Variants in CFAP61 observed in about 807,000 individuals in gnomAD.
CFAP61 encodes cilia- and flagella-associated protein 61.
CFAP61 carries 107 observed loss-of-function variants against 135.6 expected under a neutral mutation model. The observed-to-expected ratio is 0.79, with a 90% CI of 0.67 to 0.93. The LOEUF (loss-of-function observed/expected upper bound fraction) is 0.93. Ranked by LOEUF, CFAP61 falls within the 40% of genes least tolerant of loss-of-function variation. The pLI is 0.00. For missense variants in CFAP61, 1,507 were observed against 1,556.2 expected (o/e 0.97, Z 0.53); for synonymous variants, 575 against 578.5 (o/e 0.99, Z 0.09).
chr20:20,106,009 T>C (rs1219127259), intron 8 of CFAP61, among the ~76,000 whole-genome samples: 1,050 of 24,920 alleles, frequency 0.042, 44 homozygotes, highest in Non-Finnish European at 0.048. Context: ...CCTATATATA[T>C]ATATATATAT....
intron 9 of CFAP61, among the ~76,000 whole-genome samples, chr20:20,144,028 TA>T (rs1014801677): frequency 7.2e-5 from 11 of 152,226 alleles, no homozygotes; most frequent in African/African-American, 2.4e-4. Context: ...TTGTGGAGAA[TA>T]ATTAGTTCTA....
intron 11 of CFAP61, 119 bp downstream of exon 11, chr20:20,164,347 GGGGAATTTTTTAAA>G: frequency 2.0e-6 from 2 of 1,009,222 alleles, no homozygotes; most frequent in South Asian, 3.4e-5. Flanking sequence ...CTAATCTCCT[GGGGAATTTTTTAAA>G]ACACAAATTC....
chr20:20,090,750 G>A (rs570597520), intron 6 of CFAP61, 94 bp from the exon 7 acceptor site: 18 of 1,190,608 alleles, frequency 1.5e-5, no homozygotes, highest in Admixed American at 9.8e-5. Context: ...CTCTAGCCCC[G>A]GCACTTAGAA....
chr20:20,349,500 C>T (rs6132292), intron 26 of CFAP61, among the ~76,000 whole-genome samples: 1 of 152,144 alleles, frequency 6.6e-6, no homozygotes, highest in African/African-American at 2.4e-5. Context: ...GGGATCCTCC[C>T]TAAGACCCAA....
intron 25 of CFAP61, among the ~76,000 whole-genome samples, chr20:20,334,390 G>A (rs1024560664): frequency 6.6e-6 from 1 of 152,226 alleles, no homozygotes; most frequent in Non-Finnish European, 1.5e-5. Context: ...GCCTCCCAAA[G>A]TGCTGGCATT....
intron 9 of CFAP61, among the ~76,000 whole-genome samples, chr20:20,151,829 C>CAAAAAA (rs386393498): frequency 0.065 from 3,418 of 52,912 alleles, 470 homozygotes; most frequent in African/African-American, 0.099. Context: ...GACTCCGTCT[C>CAAAAAA]AAAAAAAAAA....
chr20:20,150,028 G>A (rs973570408), intron 9 of CFAP61, among the ~76,000 whole-genome samples: 3 of 152,252 alleles, frequency 2.0e-5, no homozygotes, highest in South Asian at 2.1e-4. Flanking sequence ...TAAACTTGTC[G>A]CTCTTAGCAG....
At chr20:20,300,266 C>T (rs1026152891) in intron 25 of CFAP61, among the ~76,000 whole-genome samples, 5 of 152,182 alleles carry the variant, frequency 3.3e-5, no homozygotes, top group Admixed American at 1.3e-4. Flanking sequence ...TCATTATTTT[C>T]GAGTGTATGC....
intron 25 of CFAP61, among the ~76,000 whole-genome samples, chr20:20,306,988 A>G (rs1306365962): frequency 2.0e-5 from 3 of 151,936 alleles, no homozygotes; most frequent in Non-Finnish European, 4.4e-5. Flanking sequence ...TAAAAACTGA[A>G]CTCTTCACCA....
At chr20:20,164,286 C>T (rs1173923943) in intron 11 of CFAP61, 58 bp downstream of exon 11, 2 of 1,515,446 alleles carry the variant, frequency 1.3e-6, no homozygotes, top group Non-Finnish European at 1.8e-6. Flanking sequence ...GCATTGGTGG[C>T]CCAACATTTT....
At chr20:20,101,070 TGA>T (rs1346712669) in intron 8 of CFAP61, among the ~76,000 whole-genome samples, 1 of 152,180 alleles carries the variant, frequency 6.6e-6, no homozygotes, top group African/African-American at 2.4e-5. Flanking sequence ...TTCCAGGGAT[TGA>T]GTCACAAATC....
chr20:20,357,789 CAGTGTGCGGGGAGGTGGTCAT>C (rs1220255212), intron 26 of CFAP61, among the ~76,000 whole-genome samples: 86 of 4,506 alleles, frequency 0.019, 4 homozygotes, highest in Non-Finnish European at 0.032. Context: ...GAGGTGGTCA[CAGTGTGCGGGGAGGTGGTCAT>C]ACTGAGGGGA....
chr20:20,102,073 G>A (rs2048066552), intron 8 of CFAP61, among the ~76,000 whole-genome samples: 4 of 152,166 alleles, frequency 2.6e-5, no homozygotes, highest in Admixed American at 2.6e-4. Flanking sequence ...GTGTCTGCAG[G>A]CTTTTTTAAA....
chr20:20,302,140 TTC>T (rs539507298), intron 25 of CFAP61, among the ~76,000 whole-genome samples: 50 of 152,330 alleles, frequency 3.3e-4, no homozygotes, highest in African/African-American at 1.2e-3. Flanking sequence ...ATATTATTTT[TTC>T]TGTTTTAAAT....
intron 17 of CFAP61, among the ~76,000 whole-genome samples, chr20:20,210,168 G>A (rs538140965): frequency 1.3e-5 from 2 of 152,180 alleles, no homozygotes; most frequent in Non-Finnish European, 2.9e-5. Flanking sequence ...TTGTGAGGCA[G>A]TCTCCTTCCT....
chr20:20,358,321 A>C (rs573053695), intron 26 of CFAP61, among the ~76,000 whole-genome samples: 1 of 152,224 alleles, frequency 6.6e-6, no homozygotes, highest in African/African-American at 2.4e-5. Context: ...ATGAGAGGTC[A>C]TCCTTCAAGA....
chr20:20,352,164 G>A (rs2058859094), intron 26 of CFAP61, among the ~76,000 whole-genome samples: 1 of 152,174 alleles, frequency 6.6e-6, no homozygotes, highest in Non-Finnish European at 1.5e-5. Flanking sequence ...GGGGAAGCAA[G>A]CACCTTCTTC....
chr20:20,063,943 C>T (rs139833842), intron 2 of CFAP61, among the ~76,000 whole-genome samples: 1 of 151,856 alleles, frequency 6.6e-6, no homozygotes, highest in African/African-American at 2.4e-5. Context: ...TATAAAGTAC[C>T]TAGTATAAAA....
intron 25 of CFAP61, among the ~76,000 whole-genome samples, chr20:20,336,168 A>G (rs1413029715): frequency 1.3e-5 from 2 of 152,192 alleles, no homozygotes; most frequent in African/African-American, 2.4e-5. Flanking sequence ...GCAAGCACCC[A>G]CCAGGTGGTA....
Sources: gnomAD v4.1 joint callset for allele counts (sites outside exome capture counted in the v4.1 genomes callset) on GRCh38, gnomAD v4.1.1 for gene constraint, MANE v1.5 for transcripts, NCBI Gene and HGNC (gene_info 2026-07-23, HGNC 2026-07-21) for gene names.